LINGO2: variants seen among roughly 807,000 people sequenced by gnomAD.
The protein encoded by LINGO2 is leucine-rich repeat and immunoglobulin-like domain-containing nogo receptor-interacting protein 2.
Under a neutral mutation model 30.6 loss-of-function variants are expected in LINGO2, and 14 were observed. The observed-to-expected ratio is 0.46, with a 90% confidence interval of 0.30 to 0.72. LINGO2 has a LOEUF of 0.72. LINGO2 is among the 30% of genes least tolerant of loss of function. The pLI is 0.07. For missense variants in LINGO2, 729 were observed against 751.7 expected (o/e 0.97, Z 0.35); for synonymous variants, 317 against 288.5 (o/e 1.10, Z -1.00).
intron 2 of LINGO2, among the ~76,000 whole-genome samples, chr9:28,412,009 G>A (rs1450402407): frequency 6.6e-6 from 1 of 151,830 alleles, no homozygotes; most frequent in Non-Finnish European, 1.5e-5. Flanking sequence ...ATTGTATAAT[G>A]GTGAAGTCTG....
At chr9:28,538,883 G>A (rs1200385470) in intron 1 of LINGO2, among the ~76,000 whole-genome samples, 5 of 151,740 alleles carry the variant, frequency 3.3e-5, no homozygotes, top group Non-Finnish European at 1.5e-5. Context: ...TACCACAGCA[G>A]CTAATAAAAT....
intron 1 of LINGO2, among the ~76,000 whole-genome samples, chr9:28,644,196 C>G (rs1289104133): frequency 6.6e-6 from 1 of 150,580 alleles, no homozygotes; most frequent in African/African-American, 2.4e-5. Context: ...GATATATAAC[C>G]AAAAGAAAAA....
In LINGO2 at chr9:28,081,507, T is replaced by C. The variant is rs977070990; in HGVS notation, c.-86-69102A>G. Among the ~76,000 whole-genome samples the C allele has an allele frequency of 8.5e-5, 13 of 152,262 alleles. No individual in the cohort carries two copies. In the South Asian group the frequency reaches 2.7e-3, roughly 32 times the overall value. ...GGGCCCAATTGTAAAATTTCAACAT[T>C]AAAAGAAGAAAGGTATTTTATTCAA... On this transcript the variant is annotated intron_variant, in intron 4 of 5. Transcript: ENST00000379992.
the LINGO2 span, among the ~76,000 whole-genome samples, chr9:28,679,068 C>A: frequency 6.6e-6 from 1 of 152,046 alleles, no homozygotes; most frequent in Non-Finnish European, 1.5e-5. Context: ...ATATTGTGTT[C>A]ACTCAGCTGT....
the LINGO2 span, among the ~76,000 whole-genome samples, chr9:28,993,188 C>A: frequency 6.6e-6 from 1 of 151,988 alleles, no homozygotes; most frequent in Admixed American, 6.6e-5. Flanking sequence ...GGGGATATCA[C>A]CACCAATCCC....
chr9:28,795,090 T>C, the LINGO2 span, among the ~76,000 whole-genome samples: 1 of 152,032 alleles, frequency 6.6e-6, no homozygotes, highest in African/African-American at 2.4e-5. Context: ...ACCTCGGCCT[T>C]CCCATAGTGC....
the LINGO2 span, among the ~76,000 whole-genome samples, chr9:28,952,692 C>G: frequency 1.3e-5 from 2 of 152,106 alleles, no homozygotes; most frequent in African/African-American, 4.8e-5. Context: ...AACTGTCAGA[C>G]AGAGAAGTAG....
chr9:28,869,605 T>C, the LINGO2 span, among the ~76,000 whole-genome samples: 3 of 151,954 alleles, frequency 2.0e-5, no homozygotes, highest in East Asian at 5.8e-4. Context: ...AGTCCAGTGG[T>C]TTGAACTGTG....
intron 4 of LINGO2, among the ~76,000 whole-genome samples, chr9:28,020,125 C>CT (rs1469810437): frequency 1.3e-5 from 2 of 152,150 alleles, no homozygotes; most frequent in Non-Finnish European, 2.9e-5. Context: ...AATGAGCCAT[C>CT]TCTGCGTTAA....
chr9:28,089,546 C>G (rs1487836604), intron 4 of LINGO2, among the ~76,000 whole-genome samples: 1 of 152,134 alleles, frequency 6.6e-6, no homozygotes, highest in Non-Finnish European at 1.5e-5. Context: ...ACCAGAATCT[C>G]TGGGACACAT....
At chr9:28,573,550 G>C (rs774860670) in intron 1 of LINGO2, among the ~76,000 whole-genome samples, 1 of 152,076 alleles carries the variant, frequency 6.6e-6, no homozygotes, top group Non-Finnish European at 1.5e-5. Flanking sequence ...ATGTACTGCA[G>C]GAACATGACT....
chr9:29,043,901 T>C, the LINGO2 span, among the ~76,000 whole-genome samples: 2 of 152,048 alleles, frequency 1.3e-5, no homozygotes, highest in Non-Finnish European at 2.9e-5. Flanking sequence ...TACTCATAAA[T>C]AATGCAAGAA....
chr9:28,449,087 T>C (rs1824546491), intron 2 of LINGO2, among the ~76,000 whole-genome samples: 1 of 143,230 alleles, frequency 7.0e-6, no homozygotes, highest in Non-Finnish European at 1.6e-5. Flanking sequence ...GGAAGGTAGA[T>C]TTTATTTGGT....
At chr9:28,874,145 T>G in the LINGO2 span, among the ~76,000 whole-genome samples, 51 of 152,128 alleles carry the variant, frequency 3.4e-4, no homozygotes, top group Middle Eastern at 3.4e-3. Context: ...ATAGAGAATA[T>G]TCTAGCCATT....
At chr9:28,019,174 A>G (rs185254084) in intron 4 of LINGO2, among the ~76,000 whole-genome samples, 32 of 152,216 alleles carry the variant, frequency 2.1e-4, no homozygotes, top group Admixed American at 2.0e-3. Context: ...ATTGGGTACT[A>G]TGCTTTTACC....
intron 3 of LINGO2, among the ~76,000 whole-genome samples, chr9:28,321,889 T>A (rs1428879859): frequency 6.6e-6 from 1 of 152,014 alleles, no homozygotes; most frequent in Non-Finnish European, 1.5e-5. Context: ...GAAAGCTAGA[T>A]TCCAGTCACT....
At chr9:28,797,013 C>T in the LINGO2 span, among the ~76,000 whole-genome samples, 1 of 151,204 alleles carries the variant, frequency 6.6e-6, no homozygotes, top group African/African-American at 2.4e-5. Flanking sequence ...AAGAGATCAA[C>T]AATGAAACAT....
Position 28,153,949 on chromosome 9 carries a change from T to C in LINGO2, c.-87+141259A>G, listed in dbSNP as rs369027546. Among the ~76,000 whole-genome samples the C allele has an allele frequency of 3.9e-5, 6 of 152,322 alleles. No homozygotes were observed. In the South Asian group the frequency reaches 6.2e-4, roughly 16 times the overall value. The stretch of plus-strand genomic sequence containing the variant: ...CAACTTCATGAATTAAGGTTTATAA[T>C]CACTTTTACATACACATTTGTTAAA... On this transcript the variant is annotated intron_variant, in intron 4 of 5. Transcript: ENST00000379992.
In LINGO2 at chr9:28,571,852, T is replaced by C. The variant is rs184998558; in HGVS notation, c.-364-95827A>G. ...CATCATGGACCAGAAAATTAGCTATTACTCACAGAGGAACAGATCGGCAAA... is the reference window on the plus strand; with the variant it reads ...CATCATGGACCAGAAAATTAGCTATCACTCACAGAGGAACAGATCGGCAAA... On this transcript the variant is annotated intron_variant, in intron 1 of 5. Transcript: ENST00000379992. Among the ~76,000 whole-genome samples, 321 of 152,206 alleles carry C rather than the reference T, an allele frequency of 2.1e-3. 2 individuals carry two copies. The highest frequency in any genetic ancestry group is 7.2e-3 in the African/African-American group (300 of 41,548).
Sources: allele counts gnomAD v4.1 joint callset (sites outside exome capture counted in the v4.1 genomes callset), GRCh38; gene constraint gnomAD v4.1.1; transcripts MANE v1.5; gene names NCBI Gene and HGNC (gene_info 2026-07-23, HGNC 2026-07-21).